The following PER2 variants were observed in gnomAD, a reference collection of about 807,000 sequenced individuals.
The protein encoded by PER2 is period circadian protein homolog 2.
Under a neutral mutation model 121.0 loss-of-function variants are expected in PER2, and 66 were observed. The observed-to-expected ratio is 0.55, with a 90% CI of 0.45 to 0.67. The LOEUF is 0.67. Among genes scored for constraint, PER2 ranks in the 30% least tolerant of loss-of-function variants. PER2 has a pLI of 0.00. For missense variants in PER2, 1,521 were observed against 1,635.0 expected, an observed-to-expected ratio of 0.93 and a Z score of 1.20; for synonymous variants, 684 against 659.9, an observed-to-expected ratio of 1.04 and a Z score of -0.56.
intron 18 of PER2, chr2:238,254,143 AC>A (rs1695691813): frequency 4.4e-6 from 1 of 227,322 alleles, no homozygotes. Context: ...CACTGTCACT[AC>A]TGTTCCTTAA....
intron 18 of PER2, 96 bp downstream of exon 18, chr2:238,255,561 A>C: frequency 3.2e-6 from 4 of 1,254,580 alleles, no homozygotes; most frequent in South Asian, 2.4e-5. Flanking sequence ...ATGCTTCTGA[A>C]ACTGGACACA....
In PER2 at chr2:238,278,647, G is replaced by C. The variant is rs75587824; in HGVS notation, c.-19-692C>G. ...AGATGATGGTGGGGTGGGGGAGCCG[G>C]GTTCAGAAATCTTGGCCATTACAGC... On this transcript the variant is annotated intron_variant, in intron 1 of 22. Transcript: ENST00000254657. Among the ~76,000 whole-genome samples, 58 of 152,242 alleles carry C rather than the reference G, an allele frequency of 3.8e-4. 3 individuals are homozygous for C. The East Asian group carries it at 0.011, about 29-fold the overall frequency.
At position 238,253,253 on chromosome 2, in the gene PER2, A is replaced by T; in HGVS notation, c.2770T>A (p.Phe924Ile). ...GGAAACTGAGGCTGGCTGGGGAAGA[A>T]GGCCTGGGGCAGGTTTGGGGTCCCC... ...PSGTPNLPQAFFPSQPQFPSH... is the reference protein window; with the variant it reads ...PSGTPNLPQAIFPSQPQFPSH... Residue 924 changes from phenylalanine (F) to isoleucine (I), a missense_variant, in exon 19 of 23, where the codon TTC becomes ATC. Phe to Ile is a conservative substitution (Grantham distance 21). Coordinates refer to ENST00000254657, the MANE Select transcript of PER2 (RefSeq NM_022817.3). This position sits in a 1 kb window ranked among gnomAD's most constrained non-coding sequence, Gnocchi z 5.6. 1 of 1,605,770 alleles carries T rather than the reference A, an allele frequency of 6.2e-7. No individual in the cohort carries two copies. Among genetic ancestry groups the T allele is most frequent in the Non-Finnish European group, 8.5e-7 (1 of 1,174,656 alleles).
intron 8 of PER2, among the ~76,000 whole-genome samples, chr2:238,266,526 A>T (rs557142156): frequency 3.9e-5 from 6 of 152,372 alleles, no homozygotes; most frequent in African/African-American, 1.4e-4. Context: ...AAAGTGAGTC[A>T]TATATCCAAA....
intron 1 of PER2, among the ~76,000 whole-genome samples, chr2:238,280,636 A>T (rs776893476): frequency 2.4e-4 from 36 of 152,256 alleles, no homozygotes; most frequent in Non-Finnish European, 4.7e-4. Context: ...CTTCAGTGAT[A>T]GGAGATGCGT....
chr2:238,276,821 T>C (rs1263264227), intron 3 of PER2, among the ~76,000 whole-genome samples: 1 of 152,140 alleles, frequency 6.6e-6, no homozygotes, highest in Non-Finnish European at 1.5e-5. Flanking sequence ...AGGGTAAGTT[T>C]GTTACAAACA....
chr2:238,264,454 G>T (rs79760056), intron 9 of PER2, among the ~76,000 whole-genome samples: 1 of 152,102 alleles, frequency 6.6e-6, no homozygotes, highest in Non-Finnish European at 1.5e-5. Flanking sequence ...TCCAAGGATG[G>T]GGGCCTGTGT....
chr2:238,280,477 T>C (rs538287585), intron 1 of PER2, among the ~76,000 whole-genome samples: 10 of 152,268 alleles, frequency 6.6e-5, no homozygotes, highest in Non-Finnish European at 1.0e-4. Context: ...TAAGACACCA[T>C]CTACTTTTCA....
intron 1 of PER2, among the ~76,000 whole-genome samples, chr2:238,284,157 A>T (rs1244772577): frequency 6.6e-6 from 1 of 152,116 alleles, no homozygotes; most frequent in African/African-American, 2.4e-5. Context: ...AGAAAAACAG[A>T]CGGCGGCTGG....
intron 4 of PER2, 120 bp from the exon 5 acceptor site, chr2:238,273,311 C>T (rs914297356): frequency 4.7e-6 from 5 of 1,074,416 alleles, no homozygotes; most frequent in East Asian, 2.6e-5. Context: ...ATATAAATCT[C>T]GTCTTCCTGG....
intron 22 of PER2, chr2:238,247,296 G>A (rs1029210693): frequency 5.9e-5 from 9 of 152,282 alleles, no homozygotes; most frequent in African/African-American, 1.4e-4. Context: ...AGGACATCCA[G>A]GCAGCCCTAC....
intron 1 of PER2, among the ~76,000 whole-genome samples, chr2:238,281,703 C>G (rs537331592): frequency 1.3e-3 from 201 of 152,222 alleles, no homozygotes; most frequent in African/African-American, 4.7e-3. Context: ...CATCAGGTTG[C>G]CAAAAATTAA....
chr2:238,270,634 C>A (rs1054988839), intron 6 of PER2, among the ~76,000 whole-genome samples: 5 of 152,220 alleles, frequency 3.3e-5, no homozygotes, highest in Admixed American at 1.3e-4. Context: ...GTCAGAGGCA[C>A]CGGCAGAGGC....
Position 238,268,310 on chromosome 2 carries a change from G to A in PER2, c.825-112C>T. On this transcript the variant is annotated intron_variant, in intron 7 of 22. Coordinates refer to ENST00000254657, the MANE Select transcript of PER2 (RefSeq NM_022817.3). The surrounding 1 kb of genome is among the most constrained non-coding windows in gnomAD (Gnocchi z 4.0). ...CATGCTGCAGGTGATGTGTACCTCT[G>A]CTCTGCCTGAGGAGCTGGGCCTGCC... 1.1e-5 allele frequency: 12 copies of A among 1,139,050 alleles called. No homozygotes were observed. Among genetic ancestry groups the A allele is most frequent in the Non-Finnish European group, 1.4e-5 (11 of 778,632 alleles). The allele number at this position is 1,139,050 out of a possible 1,614,324, so 70.6% of individuals were successfully genotyped here. A position where few individuals can be genotyped will look rare whatever the true frequency, so the allele number is the denominator to read the frequency against.
intron 18 of PER2, chr2:238,254,100 G>A: frequency 7.5e-6 from 2 of 264,922 alleles, no homozygotes; most frequent in Non-Finnish European, 1.5e-5. Context: ...GAACGGGAGA[G>A]CCACTGACCT....
At chr2:238,250,444 T>A (rs1034294152) in intron 21 of PER2, 107 bp downstream of exon 21, 3 of 801,386 alleles carry the variant, frequency 3.7e-6, no homozygotes, top group Admixed American at 4.1e-5. Flanking sequence ...AATCTAAGTC[T>A]TTCAGAGGGG....
chr2:238,258,253 A>G (rs775492667), intron 16 of PER2, 23 bp downstream of exon 16: 3 of 1,613,656 alleles, frequency 1.9e-6, no homozygotes, highest in Admixed American at 3.3e-5. Flanking sequence ...TCACATGTAC[A>G]TGGCTCTACA....
chr2:238,262,718 A>C lies in PER2; in HGVS notation c.1153+234T>G, dbSNP rs138632870. On this transcript the variant is annotated intron_variant, in intron 10 of 22. Coordinates refer to ENST00000254657, the MANE Select transcript of PER2 (RefSeq NM_022817.3). ...AGTAAACATAAGATGCTACGGACTCAGGCCACGGACTGAGAAACAACTGGC... is the reference window on the plus strand; with the variant it reads ...AGTAAACATAAGATGCTACGGACTCCGGCCACGGACTGAGAAACAACTGGC... 6.8e-4 allele frequency among the ~76,000 whole-genome samples: 104 copies of C among 152,312 alleles called. 1 individual carries two copies. Among genetic ancestry groups the C allele is most frequent in the Admixed American group, 2.9e-3 (45 of 15,304 alleles).
intron 1 of PER2, among the ~76,000 whole-genome samples, chr2:238,282,966 T>C (rs34040298): frequency 0.094 from 14,293 of 152,262 alleles, 730 homozygotes; most frequent in South Asian, 0.13. Flanking sequence ...TCAGCAGGTC[T>C]TTCTGGCTTC....
Sources: gnomAD v4.1 joint callset for allele counts (sites outside exome capture counted in the v4.1 genomes callset) on GRCh38, gnomAD v4.1.1 for gene constraint, Gnocchi (gnomAD v3.1) non-coding constraint, MANE v1.5 for transcripts, NCBI Gene and HGNC (gene_info 2026-07-23, HGNC 2026-07-21) for gene names.